CAMSAP2: variants seen among roughly 807,000 people sequenced by gnomAD.
CAMSAP2 encodes the protein calmodulin regulated spectrin associated protein family member 2.
In CAMSAP2, 26 loss-of-function variants were observed where a neutral mutation model predicts 146.1. The ratio of observed to expected loss-of-function variants is 0.18; its 90% CI spans 0.13 to 0.25. The LOEUF is 0.25. CAMSAP2 is among the 10% of genes least tolerant of loss of function. The pLI is 1.00. For synonymous variants in CAMSAP2, 499 were observed against 596.6 expected (o/e 0.84, Z 2.38); for missense variants, 1,381 against 1,759.3 (o/e 0.78, Z 3.85).
Position 200,829,560 on chromosome 1 carries a change from T to G in CAMSAP2, c.646-2640T>G, listed in dbSNP as rs1571807793. 2.0e-5 allele frequency among the ~76,000 whole-genome samples: 3 copies of G among 152,182 alleles called. No individual in the cohort carries two copies. The East Asian group carries it at 5.8e-4, about 29-fold the overall frequency. On this transcript the variant is annotated intron_variant, in intron 4 of 16. Transcript: ENST00000358823. ...GACTTAAAGATTGATCTTTCAGATT[T>G]AAATATGGGGATGGGTGTGTTAAAC...
chr1:200,796,986 A>G (rs1326702001), intron 2 of CAMSAP2, among the ~76,000 whole-genome samples: 1 of 152,132 alleles, frequency 6.6e-6, no homozygotes, highest in Non-Finnish European at 1.5e-5. Context: ...CCATGTCCCT[A>G]CAAAGGACAT....
chr1:200,753,006 A>T (rs1664551755), intron 1 of CAMSAP2, among the ~76,000 whole-genome samples: 1 of 151,974 alleles, frequency 6.6e-6, no homozygotes, highest in South Asian at 2.1e-4. Flanking sequence ...CTGAAGATAG[A>T]GCACCAGCCT....
intron 4 of CAMSAP2, among the ~76,000 whole-genome samples, chr1:200,824,497 A>G (rs530081596): frequency 7.8e-4 from 119 of 152,286 alleles, no homozygotes; most frequent in African/African-American, 2.6e-3. Flanking sequence ...ACATGAGTTC[A>G]TATATAAACC....
chr1:200,850,648 A>G (rs917957157), intron 11 of CAMSAP2, among the ~76,000 whole-genome samples: 2 of 152,198 alleles, frequency 1.3e-5, no homozygotes, highest in African/African-American at 4.8e-5. Context: ...TTGCAGAGGA[A>G]GGGAAACAAA....
Position 200,843,046 on chromosome 1 carries a change from G to A in CAMSAP2, c.1021+959G>A, listed in dbSNP as rs544741958. Among the ~76,000 whole-genome samples the A allele has an allele frequency of 6.0e-5, 9 of 150,798 alleles. No homozygotes were observed. In the South Asian group the frequency reaches 1.9e-3, roughly 32 times the overall value. On this transcript the variant is annotated intron_variant, in intron 7 of 16. Transcript: ENST00000358823. ...GGGGAAAAATGATCTTAAATTATAA[G>A]CTTAGCCCACTAAAGAACTTTCTTC...
intron 1 of CAMSAP2, 23 bp from the exon 2 acceptor site, chr1:200,760,816 A>G: frequency 6.6e-7 from 1 of 1,512,138 alleles, no homozygotes; most frequent in Middle Eastern, 1.8e-4. Flanking sequence ...TTGTAAGAGA[A>G]TTTTTTCCAT....
At chr1:200,790,354 G>C (rs1665716756) in intron 2 of CAMSAP2, among the ~76,000 whole-genome samples, 1 of 152,158 alleles carries the variant, frequency 6.6e-6, no homozygotes, top group African/African-American at 2.4e-5. Flanking sequence ...AGCGGGGCTG[G>C]GGGGAAGGGT....
At chr1:200,855,098 G>A (rs970282288) in intron 14 of CAMSAP2, among the ~76,000 whole-genome samples, 1 of 150,356 alleles carries the variant, frequency 6.7e-6, no homozygotes, top group Admixed American at 6.6e-5. Context: ...TTCAGTGCTT[G>A]TCTTTTAGAA....
At chr1:200,821,621 A>G (rs1306445009) in intron 4 of CAMSAP2, among the ~76,000 whole-genome samples, 2 of 152,230 alleles carry the variant, frequency 1.3e-5, no homozygotes, top group Admixed American at 6.5e-5. Context: ...TCGGCCTCCC[A>G]GAGTGCTGGG....
chr1:200,779,829 A>G (rs544964962), intron 2 of CAMSAP2, among the ~76,000 whole-genome samples: 4 of 152,272 alleles, frequency 2.6e-5, no homozygotes, highest in South Asian at 2.1e-4. Flanking sequence ...TTTAATAACT[A>G]TAGAATATCA....
intron 2 of CAMSAP2, among the ~76,000 whole-genome samples, chr1:200,797,302 T>A (rs1288619167): frequency 2.7e-3 from 405 of 151,202 alleles, no homozygotes; most frequent in African/African-American, 9.0e-3. Context: ...GTAAAAGTGT[T>A]CCTATTTCTC....
At chr1:200,806,614 A>C (rs1240445563) in intron 2 of CAMSAP2, among the ~76,000 whole-genome samples, 1 of 152,188 alleles carries the variant, frequency 6.6e-6, no homozygotes, top group Non-Finnish European at 1.5e-5. Context: ...AATGCCAAGC[A>C]GTGTAAATGT....
chr1:200,759,280 A>ATTTTTTTT (rs374473632), intron 1 of CAMSAP2, among the ~76,000 whole-genome samples: 3 of 128,890 alleles, frequency 2.3e-5, no homozygotes, highest in Admixed American at 8.0e-5. Context: ...CTGCTATTCT[A>ATTTTTTTT]TTTTTTTTTT....
chr1:200,854,423 T>C (rs1007279775), intron 13 of CAMSAP2, among the ~76,000 whole-genome samples: 9 of 152,200 alleles, frequency 5.9e-5, no homozygotes, highest in African/African-American at 1.2e-4. Context: ...TAACATAATA[T>C]TGACTGTTTA....
At chr1:200,842,432 C>T (rs753566390) in intron 7 of CAMSAP2, among the ~76,000 whole-genome samples, 3 of 152,074 alleles carry the variant, frequency 2.0e-5, no homozygotes, top group African/African-American at 7.2e-5. Flanking sequence ...ATTGTTTGGC[C>T]TTAACCCGCA....
chr1:200,815,741 TA>T, intron 4 of CAMSAP2, 97 bp downstream of exon 4: 1 of 566,332 alleles, frequency 1.8e-6, no homozygotes, highest in Admixed American at 4.1e-5. Flanking sequence ...TTTATTAAAT[TA>T]TTTTTTAGTG....
intron 1 of CAMSAP2, among the ~76,000 whole-genome samples, chr1:200,745,636 G>A (rs1280160789): frequency 2.0e-5 from 3 of 152,100 alleles, no homozygotes; most frequent in African/African-American, 7.2e-5. Flanking sequence ...CTGAGTTACA[G>A]TCTTCCTGGA....
intron 8 of CAMSAP2, among the ~76,000 whole-genome samples, chr1:200,845,758 A>G (rs988288677): frequency 6.6e-6 from 1 of 152,206 alleles, no homozygotes; most frequent in African/African-American, 2.4e-5. Flanking sequence ...ACCTTTTCAC[A>G]GTGTGTACCT....
rs1208198150 is a variant in CAMSAP2 at position 200,739,762 on chromosome 1, C to T, written c.-66C>T. 2.6e-6 allele frequency: 4 copies of T among 1,543,282 alleles called. No individual in the cohort carries two copies. The highest frequency in any genetic ancestry group is 3.5e-6 in the Non-Finnish European group (4 of 1,136,120). On this transcript the variant is annotated 5_prime_UTR_variant, in exon 1 of 17. Coordinates refer to ENST00000358823, the MANE Select transcript of CAMSAP2 (RefSeq NM_203459.4). This position sits in a 1 kb window ranked among gnomAD's most constrained non-coding sequence, Gnocchi z 4.8. ...CTTGCTTCTCCCTCCCTCCCGACCCCCGTGGTGGCGAGGCCACGCCATGTG... is the reference window on the plus strand; with the variant it reads ...CTTGCTTCTCCCTCCCTCCCGACCCTCGTGGTGGCGAGGCCACGCCATGTG...
Sources: gnomAD v4.1 joint callset for allele counts (sites outside exome capture counted in the v4.1 genomes callset) on GRCh38, gnomAD v4.1.1 for gene constraint, Gnocchi (gnomAD v3.1) non-coding constraint, MANE v1.5 for transcripts, NCBI Gene and HGNC (gene_info 2026-07-23, HGNC 2026-07-21) for gene names.